The following GPR137C variants were observed in gnomAD, a reference collection of about 807,000 sequenced individuals.
The protein encoded by GPR137C is G protein-coupled receptor 137C, also known as integral membrane protein GPR137C.
GPR137C carries 27 observed loss-of-function variants against 43.4 expected under a neutral mutation model. The ratio of observed to expected loss-of-function variants is 0.62; its 90% CI spans 0.46 to 0.86. The LOEUF is 0.86. Among genes scored for constraint, GPR137C ranks in the 40% least tolerant of loss-of-function variants. The probability of loss-of-function intolerance (pLI) is 0.00; values close to 1 mark genes in which losing one functional copy is unlikely to be tolerated. For missense variants in GPR137C, 522 were observed against 534.6 expected, an observed-to-expected ratio of 0.98 and a Z score of 0.23; for synonymous variants, 285 against 226.9, an observed-to-expected ratio of 1.26 and a Z score of -2.30.
intron 2 of GPR137C, 35 bp downstream of exon 2, chr14:52,598,350 A>C (rs2139522882): frequency 2.1e-6 from 2 of 940,410 alleles, no homozygotes; most frequent in Admixed American, 2.7e-5. Context: ...TCTATCTAAA[A>C]GATCTAAAGC....
At chr14:52,600,441 T>C (rs1162591641) in intron 3 of GPR137C, 100 bp downstream of exon 3, 6 of 642,778 alleles carry the variant, frequency 9.3e-6, no homozygotes, top group Non-Finnish European at 1.3e-5. Context: ...TTTTATTTTA[T>C]TTTATTTTAT....
chr14:52,561,057 A>C (rs1459064961), intron 1 of GPR137C, among the ~76,000 whole-genome samples: 1 of 152,072 alleles, frequency 6.6e-6, no homozygotes, highest in Non-Finnish European at 1.5e-5. Context: ...CTTCACAAAA[A>C]AGATATATGC....
rs767579346 is a variant in GPR137C, at chr14:52,632,225, T to C, written c.783T>C (p.Ala261=). ...TCATTCTTCTGTACTCTTCCAGAGC[T>C]TGTTATAATTTGGTGGTGGTCACCA... The part of the protein sequence containing the change: ...SVVILLYSSR[A]CYNLVVVTIS... The change falls in exon 4 of 7, where the codon GCT becomes GCC. Residue 261 remains alanine (A), a synonymous_variant. Coordinates refer to ENST00000321662, the MANE Select transcript of GPR137C (RefSeq NM_001099652.2). 18 of 1,607,520 alleles carry C rather than the reference T, an allele frequency of 1.1e-5. No individual in the cohort carries two copies. Among genetic ancestry groups the C allele is most frequent in the Middle Eastern group, 1.7e-4 (1 of 6,050 alleles).
chr14:52,631,122 A>C (rs950003848), intron 3 of GPR137C, among the ~76,000 whole-genome samples: 3 of 152,276 alleles, frequency 2.0e-5, no homozygotes, highest in Admixed American at 2.0e-4. Context: ...CTCTATTTAA[A>C]CTATGTAAAT....
chr14:52,586,400 A>G lies in GPR137C; in HGVS notation c.445-11872A>G, dbSNP rs939867586. On this transcript the variant is annotated intron_variant, in intron 1 of 6. Transcript: ENST00000321662. Reference sequence around the variant, plus strand: ...AACTCCTTGCACTTCTGCTCTGTCAATCTGAAAACTATTCTCTGCAAGGTA... The same window carrying G: ...AACTCCTTGCACTTCTGCTCTGTCAGTCTGAAAACTATTCTCTGCAAGGTA... Among the ~76,000 whole-genome samples, 8 of 152,186 alleles carry G rather than the reference A, an allele frequency of 5.3e-5. 1 individual carries two copies. Among genetic ancestry groups the G allele is most frequent in the Admixed American group, 4.6e-4 (7 of 15,282 alleles).
At chr14:52,591,330 CT>C (rs1452948644) in intron 1 of GPR137C, among the ~76,000 whole-genome samples, 1 of 152,112 alleles carries the variant, frequency 6.6e-6, no homozygotes, top group Non-Finnish European at 1.5e-5. Context: ...GTTTATAATC[CT>C]TTGGGTATAC....
intron 1 of GPR137C, among the ~76,000 whole-genome samples, chr14:52,568,410 T>A (rs756526808): frequency 6.7e-6 from 1 of 150,252 alleles, no homozygotes; most frequent in African/African-American, 2.4e-5. Context: ...ACTGCAGGAG[T>A]TTTTTTTTCA....
chr14:52,637,243 T>C lies in GPR137C; in HGVS notation c.*2128T>C, dbSNP rs1294714098. ...CAAATAAAGATACACTCTGGCCCAA[T>C]CTTTGCTTAAAAATTCCAAAGCACT... On this transcript the variant is annotated 3_prime_UTR_variant, in exon 7 of 7. Coordinates refer to ENST00000321662, the MANE Select transcript of GPR137C (RefSeq NM_001099652.2). 1 of 152,124 alleles carries C rather than the reference T, an allele frequency of 6.6e-6. No homozygotes were observed. Among genetic ancestry groups the C allele is most frequent in the African/African-American group, 2.4e-5 (1 of 41,452 alleles). 9.4% of individuals were successfully genotyped at this position (152,124 alleles called of 1,614,324 possible).
In GPR137C at chr14:52,594,450, C is replaced by CT. The variant is rs1365162763; in HGVS notation, c.445-3821dup. Among the ~76,000 whole-genome samples, 5 of 152,026 alleles carry CT rather than the reference C, an allele frequency of 3.3e-5. No homozygotes were observed. The East Asian group carries it at 7.7e-4, about 24-fold the overall frequency. Reference sequence around the variant, plus strand: ...GTTAAAGTCTCCGATTATTGGGAGTCTAAGTCTCTTTGTAGATCTCTAAGG... The same window carrying CT: ...GTTAAAGTCTCCGATTATTGGGAGTCTTAAGTCTCTTTGTAGATCTCTAAGG... On this transcript the variant is annotated intron_variant, in intron 1 of 6. Coordinates refer to ENST00000321662, the MANE Select transcript of GPR137C (RefSeq NM_001099652.2).
At chr14:52,577,991 C>G (rs947925045) in intron 1 of GPR137C, among the ~76,000 whole-genome samples, 1 of 151,940 alleles carries the variant, frequency 6.6e-6, no homozygotes, top group African/African-American at 2.4e-5. Context: ...GGTAATATTA[C>G]AACTGATACC....
In GPR137C at chr14:52,637,269, A is replaced by G. The variant is rs2039363451; in HGVS notation, c.*2154A>G. On this transcript the variant is annotated 3_prime_UTR_variant, in exon 7 of 7. Coordinates refer to ENST00000321662, the MANE Select transcript of GPR137C (RefSeq NM_001099652.2). ...CTTTGCTTAAAAATTCCAAAGCACT[A>G]GGAGCACTTTAAGTTTGGTCTCGAA... 6.6e-6 allele frequency: 1 copy of G among 152,144 alleles called. No homozygotes were observed. Among genetic ancestry groups the G allele is most frequent in the South Asian group, 2.1e-4 (1 of 4,830 alleles). 9.4% of individuals were successfully genotyped at this position (152,144 alleles called of 1,614,324 possible).
chr14:52,625,850 G>T lies in GPR137C; in HGVS notation c.718-6310G>T, dbSNP rs116096326. On this transcript the variant is annotated intron_variant, in intron 3 of 6. Coordinates refer to ENST00000321662, the MANE Select transcript of GPR137C (RefSeq NM_001099652.2). ...ATTACAGGCGTGAGCCACTGCGCCC[G>T]GCCAGAAGAACACTTGTTAGACCAG... Among the ~76,000 whole-genome samples the T allele has an allele frequency of 9.7e-3, 1,470 of 151,992 alleles. 18 individuals are homozygous for T. Among genetic ancestry groups the T allele is most frequent in the African/African-American group, 0.033 (1,379 of 41,498 alleles).
chr14:52,592,751 TA>T (rs2038800269), intron 1 of GPR137C, among the ~76,000 whole-genome samples: 1 of 152,240 alleles, frequency 6.6e-6, no homozygotes, highest in Non-Finnish European at 1.5e-5. Flanking sequence ...TGGGGTTTTC[TA>T]AATATACAAT....
At chr14:52,593,690 TTTTTG>T (rs1434242511) in intron 1 of GPR137C, among the ~76,000 whole-genome samples, 2 of 152,180 alleles carry the variant, frequency 1.3e-5, no homozygotes, top group Admixed American at 6.5e-5. Flanking sequence ...CCTTTATCAT[TTTTTG>T]TTGCATCTAT....
rs2038911024 is a variant in GPR137C at position 52,600,476 on chromosome 14, T to A, written c.717+135T>A. The A allele has an allele frequency of 3.3e-6, 2 of 602,218 alleles. 1 individual carries two copies. Among genetic ancestry groups the A allele is most frequent in the Admixed American group, 6.1e-5 (2 of 32,598 alleles). 37.3% of individuals were successfully genotyped at this position (602,218 alleles called of 1,614,324 possible). A position where few individuals can be genotyped will look rare whatever the true frequency, so the allele number is the denominator to read the frequency against. ...TTTTATTTGAGACAGGGTCTCGCCA[T>A]ATTAGTCAGGCTAGAGTGCAATGGC... On this transcript the variant is annotated intron_variant, in intron 3 of 6. Coordinates refer to ENST00000321662, the MANE Select transcript of GPR137C (RefSeq NM_001099652.2).
intron 4 of GPR137C, among the ~76,000 whole-genome samples, chr14:52,633,087 T>C (rs1047263936): frequency 1.3e-5 from 2 of 152,092 alleles, no homozygotes; most frequent in African/African-American, 2.4e-5. Flanking sequence ...AAATTTAATA[T>C]GTAGATTAGG....
At chr14:52,581,853 A>C (rs1184837603) in intron 1 of GPR137C, among the ~76,000 whole-genome samples, 2 of 152,214 alleles carry the variant, frequency 1.3e-5, no homozygotes, top group Non-Finnish European at 1.5e-5. Context: ...ATTTTAGATC[A>C]ACAAAAGAGG....
intron 1 of GPR137C, among the ~76,000 whole-genome samples, chr14:52,572,953 A>G (rs1357609735): frequency 3.3e-5 from 5 of 149,730 alleles, no homozygotes; most frequent in Admixed American, 6.6e-5. Flanking sequence ...TACACCAATA[A>G]TAGAGAACTC....
chr14:52,568,143 C>A (rs1372717237), intron 1 of GPR137C, among the ~76,000 whole-genome samples: 3 of 152,116 alleles, frequency 2.0e-5, no homozygotes, highest in African/African-American at 7.2e-5. Context: ...GTGGGTGCAG[C>A]CCATGGAGGG....
Sources: allele counts gnomAD v4.1 joint callset (sites outside exome capture counted in the v4.1 genomes callset), GRCh38; gene constraint gnomAD v4.1.1; transcripts MANE v1.5; gene names NCBI Gene and HGNC (gene_info 2026-07-23, HGNC 2026-07-21).